FRMD6: variants seen among roughly 807,000 people sequenced by gnomAD.
FRMD6 encodes the protein FERM domain containing 6.
FRMD6 carries 37 observed loss-of-function variants against 73.2 expected under a neutral mutation model. That is an observed-to-expected ratio of 0.51 (90% CI 0.39 to 0.66). The LOEUF (loss-of-function observed/expected upper bound fraction) is 0.66. Ranked by LOEUF, FRMD6 falls within the 30% of genes least tolerant of loss-of-function variation. The pLI, the probability that FRMD6 is intolerant of heterozygous loss-of-function variation, is 0.00. For synonymous variants in FRMD6, 273 were observed against 282.2 expected, an observed-to-expected ratio of 0.97 and a Z score of 0.33; for missense variants, 714 against 780.5, an observed-to-expected ratio of 0.91 and a Z score of 1.02.
upstream of FRMD6, among the ~76,000 whole-genome samples, chr14:51,488,175 G>A (rs1428401143): frequency 6.6e-5 from 10 of 152,252 alleles, no homozygotes; most frequent in African/African-American, 2.2e-4. Context: ...TTCCAGGGAC[G>A]ACTCCCATTG....
At chr14:51,727,697 T>C (rs1303712804) in intron 13 of FRMD6, 48 bp from the exon 14 acceptor site, 3 of 1,533,032 alleles carry the variant, frequency 2.0e-6, no homozygotes, top group South Asian at 1.2e-5. Context: ...AAGGCAAATA[T>C]TCTAACCTTT....
At chr14:51,669,506 C>G (rs1391304184) in intron 1 of FRMD6, among the ~76,000 whole-genome samples, 1 of 152,208 alleles carries the variant, frequency 6.6e-6, no homozygotes, top group Non-Finnish European at 1.5e-5. Flanking sequence ...GCTCCAGATT[C>G]TCACTAAGAT....
At chr14:51,684,729 C>G (rs1026818054) in intron 1 of FRMD6, among the ~76,000 whole-genome samples, 33 of 152,118 alleles carry the variant, frequency 2.2e-4, no homozygotes, top group African/African-American at 8.0e-4. Context: ...AGCCCCCCAC[C>G]AAAAAGAATA....
chr14:51,431,435 C>T, the FRMD6 span, among the ~76,000 whole-genome samples: 3 of 152,160 alleles, frequency 2.0e-5, no homozygotes, highest in Non-Finnish European at 2.9e-5. Flanking sequence ...ACAGTACTAC[C>T]CGGTACAGAA....
At chr14:51,670,927 G>A (rs1203903884) in intron 1 of FRMD6, among the ~76,000 whole-genome samples, 3 of 152,210 alleles carry the variant, frequency 2.0e-5, no homozygotes, top group Non-Finnish European at 2.9e-5. Context: ...GATTACAGGC[G>A]TGGGCCACCG....
chr14:51,508,467 A>T (rs921614092), intron 1 of FRMD6, among the ~76,000 whole-genome samples: 1 of 152,216 alleles, frequency 6.6e-6, no homozygotes, highest in South Asian at 2.1e-4. Context: ...CTTTCCCACA[A>T]GTCCTCACAC....
intron 2 of FRMD6, among the ~76,000 whole-genome samples, chr14:51,608,197 C>T (rs1262290209): frequency 6.6e-6 from 1 of 152,172 alleles, no homozygotes; most frequent in Non-Finnish European, 1.5e-5. Context: ...CCCAGGACTG[C>T]CGACCTAGGC....
chr14:51,509,245 C>A (rs1884147585), intron 1 of FRMD6, among the ~76,000 whole-genome samples: 1 of 152,186 alleles, frequency 6.6e-6, no homozygotes. Flanking sequence ...GAGTCATAGC[C>A]AGGTGCAGTG....
chr14:51,558,996 C>T (rs1186404277), intron 1 of FRMD6, among the ~76,000 whole-genome samples: 1 of 152,158 alleles, frequency 6.6e-6, no homozygotes, highest in Admixed American at 6.5e-5. Context: ...CTAAGCAAGG[C>T]CTTGAGGAGC....
the FRMD6 span, among the ~76,000 whole-genome samples, chr14:51,459,626 G>C: frequency 4.6e-5 from 7 of 152,076 alleles, no homozygotes; most frequent in South Asian, 1.2e-3. Flanking sequence ...AGGAGATTGA[G>C]ACCATCCTGG....
intron 2 of FRMD6, among the ~76,000 whole-genome samples, chr14:51,615,390 G>A (rs1355437021): frequency 6.6e-6 from 1 of 152,170 alleles, no homozygotes; most frequent in South Asian, 2.1e-4. Flanking sequence ...TCATGTATTA[G>A]ATTTGTTTAT....
chr14:51,693,601 T>A (rs550853034), intron 2 of FRMD6, among the ~76,000 whole-genome samples: 13 of 88,584 alleles, frequency 1.5e-4, no homozygotes, highest in Non-Finnish European at 2.7e-4. Flanking sequence ...GTCACATGCA[T>A]GAAGTATTCA....
rs1192991069 is a variant in FRMD6 at position 51,596,372 on chromosome 14, CGTGTAAGCCTGAG to C, written c.-147+25965_-147+25977del. The stretch of plus-strand genomic sequence containing the variant: ...TTTCAGGGAGTATTGCACTGTGAAC[CGTGTAAGCCTGAG>C]GTTGGGAGGTGATTTAAATTCTATT... On this transcript the variant is annotated intron_variant, in intron 2 of 14. Transcript: ENST00000356218. Among the ~76,000 whole-genome samples the C allele has an allele frequency of 2.6e-5, 4 of 151,942 alleles. No homozygotes were observed. The South Asian group carries it at 6.3e-4, about 24-fold the overall frequency.
the FRMD6 span, among the ~76,000 whole-genome samples, chr14:51,423,565 C>T: frequency 6.6e-6 from 1 of 152,170 alleles, no homozygotes; most frequent in East Asian, 1.9e-4. Flanking sequence ...TTCTCCTTCT[C>T]ACCCTTTAAT....
At position 51,674,626 on chromosome 14, in the gene FRMD6, T is replaced by C. The variant is rs148731323; in HGVS notation, c.-146-15065T>C. On this transcript the variant is annotated intron_variant, in intron 1 of 13. Coordinates refer to ENST00000344768, the MANE Select transcript of FRMD6 (RefSeq NM_001267046.2). ...GGGGTTTTCTTTTTTAACTTCAACC[T>C]TCAAGGTTGAGGTATGGTTCCATTT... Among the ~76,000 whole-genome samples, 397 of 152,236 alleles carry C rather than the reference T, an allele frequency of 2.6e-3. 2 individuals carry two copies. Among genetic ancestry groups the C allele is most frequent in the African/African-American group, 8.4e-3 (350 of 41,554 alleles).
chr14:51,639,530 T>C (rs1395086922), intron 2 of FRMD6, among the ~76,000 whole-genome samples: 3 of 152,174 alleles, frequency 2.0e-5, no homozygotes, highest in Admixed American at 6.5e-5. Flanking sequence ...ATTTGTAAAA[T>C]AGGAATTATG....
At chr14:51,500,003 G>A (rs557619488) in intron 1 of FRMD6, among the ~76,000 whole-genome samples, 2 of 152,292 alleles carry the variant, frequency 1.3e-5, no homozygotes, top group South Asian at 4.1e-4. Flanking sequence ...TGCTAACGTG[G>A]TGGAGAACAC....
At chr14:51,714,945 A>C (rs1160465245) in intron 9 of FRMD6, 1 of 154,336 alleles carries the variant, frequency 6.5e-6, no homozygotes, top group African/African-American at 2.4e-5. Context: ...AATAATTTAG[A>C]ATCTTTTAGA....
chr14:51,686,095 C>T lies in FRMD6; in HGVS notation c.-146-3596C>T, dbSNP rs553958308. On this transcript the variant is annotated intron_variant, in intron 1 of 13. Coordinates refer to ENST00000344768, the MANE Select transcript of FRMD6 (RefSeq NM_001267046.2). ...TCCTAGAATTGAAAATCCTCCTTTG[C>T]CTACATTCAATATGAGACTATATTA... is the stretch of plus-strand genomic sequence containing the variant. Among the ~76,000 whole-genome samples, 15 of 152,166 alleles carry T rather than the reference C, an allele frequency of 9.9e-5. 1 individual carries two copies. In the East Asian group the frequency reaches 2.7e-3, roughly 27 times the overall value.
Sources: allele counts gnomAD v4.1 joint callset (sites outside exome capture counted in the v4.1 genomes callset), GRCh38; gene constraint gnomAD v4.1.1; transcripts MANE v1.5; gene names NCBI Gene and HGNC (gene_info 2026-07-23, HGNC 2026-07-21).